Variants in ASB5 observed in about 807,000 individuals in gnomAD.
ASB5 encodes ankyrin repeat and SOCS box containing 5.
Under a neutral mutation model 42.1 loss-of-function variants are expected in ASB5, and 45 were observed. The ratio of observed to expected loss-of-function variants is 1.07; its 90% CI spans 0.84 to 1.37. ASB5 has a LOEUF of 1.37. Ranked by LOEUF, ASB5 falls within the 40% of genes most tolerant of loss-of-function variation. ASB5 has a pLI of 0.00. For synonymous variants in ASB5, 147 were observed against 150.6 expected, an observed-to-expected ratio of 0.98 and a Z score of 0.18; for missense variants, 402 against 399.8, an observed-to-expected ratio of 1.01 and a Z score of -0.05.
chr4:176,256,214 T>C (rs1167381875), intron 1 of ASB5, among the ~76,000 whole-genome samples: 1 of 152,232 alleles, frequency 6.6e-6, no homozygotes, highest in East Asian at 1.9e-4. Context: ...CCTGCCTACA[T>C]CACATAGGAG....
chr4:176,249,647 C>T (rs962776368), intron 1 of ASB5: 1 of 152,178 alleles, frequency 6.6e-6, no homozygotes, highest in African/African-American at 2.4e-5. Context: ...TAGGAAATTT[C>T]TCCTCATATG....
rs1188653597 is a variant in ASB5 at position 176,215,570 on chromosome 4, T to C, written c.*30A>G. On this transcript the variant is annotated 3_prime_UTR_variant, in exon 7 of 7. Coordinates refer to ENST00000296525, the MANE Select transcript of ASB5 (RefSeq NM_080874.4). ...AAGCAAAAGAAATAGAAATTTTGATTTTCAAGGTATTTAGAATTACTTTAC... is the reference window on the plus strand; with the variant it reads ...AAGCAAAAGAAATAGAAATTTTGATCTTCAAGGTATTTAGAATTACTTTAC... 1 of 1,593,548 alleles carries C rather than the reference T, an allele frequency of 6.3e-7. No homozygotes were observed. The highest frequency in any genetic ancestry group is 1.8e-5 in the Admixed American group (1 of 57,052).
intron 1 of ASB5, among the ~76,000 whole-genome samples, chr4:176,236,683 G>C (rs1255848539): frequency 2.6e-5 from 4 of 151,880 alleles, no homozygotes; most frequent in Non-Finnish European, 4.4e-5. Context: ...AATCTTGGGG[G>C]GCAAGAGTCA....
chr4:176,260,691 T>G (rs111425611), intron 1 of ASB5, among the ~76,000 whole-genome samples: 16,402 of 152,238 alleles, frequency 0.11, 1,140 homozygotes, highest in Non-Finnish European at 0.14. Flanking sequence ...TTTGTTTTGT[T>G]TTTTTGAGAC....
At chr4:176,229,456 T>C (rs932706656) in intron 1 of ASB5, among the ~76,000 whole-genome samples, 2 of 152,170 alleles carry the variant, frequency 1.3e-5, no homozygotes, top group Non-Finnish European at 2.9e-5. Context: ...ATCAAAATGA[T>C]TGTATTAGTC....
rs116116177 is a variant in ASB5, at chr4:176,238,953, C to T, written c.197-13612G>A. On this transcript the variant is annotated intron_variant, in intron 1 of 6. Coordinates refer to ENST00000296525, the MANE Select transcript of ASB5 (RefSeq NM_080874.4). Reference sequence around the variant, plus strand: ...AGCTTAATGACACCATAGTTTCCTTCTCTATAAAATGAGGAGCTTGGATAA... The same window carrying T: ...AGCTTAATGACACCATAGTTTCCTTTTCTATAAAATGAGGAGCTTGGATAA... 3.5e-3 allele frequency among the ~76,000 whole-genome samples: 534 copies of T among 152,294 alleles called. 5 individuals are homozygous for T. Among genetic ancestry groups the T allele is most frequent in the African/African-American group, 0.012 (508 of 41,558 alleles).
chr4:176,243,069 A>G (rs920746112), intron 1 of ASB5, among the ~76,000 whole-genome samples: 1 of 152,178 alleles, frequency 6.6e-6, no homozygotes, highest in Non-Finnish European at 1.5e-5. Context: ...ACTGTACGCA[A>G]CTAGTCCCAC....
intron 1 of ASB5, among the ~76,000 whole-genome samples, chr4:176,226,358 C>CT (rs1226629558): frequency 6.6e-6 from 1 of 152,150 alleles, no homozygotes; most frequent in African/African-American, 2.4e-5. Flanking sequence ...CAGTGGTCCC[C>CT]TGGATTCTCA....
chr4:176,243,794 A>G (rs2128424), intron 1 of ASB5, among the ~76,000 whole-genome samples: 31,662 of 152,140 alleles, frequency 0.21, 3,366 homozygotes, highest in East Asian at 0.26. Flanking sequence ...ATGAGCCACT[A>G]CGCAGGCAAT....
At chr4:176,265,745 T>C (rs1754344239) in intron 1 of ASB5, among the ~76,000 whole-genome samples, 1 of 152,156 alleles carries the variant, frequency 6.6e-6, no homozygotes, top group South Asian at 2.1e-4. Flanking sequence ...TACTGTGTAA[T>C]ATTTCAGTGT....
intron 1 of ASB5, among the ~76,000 whole-genome samples, chr4:176,265,459 A>T (rs916887751): frequency 2.6e-5 from 4 of 152,210 alleles, no homozygotes; most frequent in Admixed American, 6.6e-5. Context: ...GGATGAGAAC[A>T]ATACATTTTG....
upstream of ASB5, among the ~76,000 whole-genome samples, chr4:176,272,554 A>G (rs1754488325): frequency 1.3e-5 from 2 of 152,036 alleles, no homozygotes; most frequent in Admixed American, 1.3e-4. Flanking sequence ...TCTCACCTCC[A>G]TGCAGGTATC....
At chr4:176,225,797 C>T (rs1256698039) in intron 1 of ASB5, among the ~76,000 whole-genome samples, 1 of 152,120 alleles carries the variant, frequency 6.6e-6, no homozygotes. Flanking sequence ...ACCATGTTGG[C>T]CAGGCTGGTC....
chr4:176,252,019 T>C (rs1230999955), intron 1 of ASB5, among the ~76,000 whole-genome samples: 1 of 125,712 alleles, frequency 8.0e-6, no homozygotes, highest in Non-Finnish European at 1.5e-5. Flanking sequence ...TGAGCTATGA[T>C]CACAGCACTG....
At position 176,216,913 on chromosome 4, in the gene ASB5, C is replaced by T. The variant is rs144451873; in HGVS notation, c.767G>A (p.Gly256Glu). 1.9e-6 allele frequency: 3 copies of T among 1,614,018 alleles called. No individual in the cohort carries two copies. Among genetic ancestry groups the T allele is most frequent in the Non-Finnish European group, 2.5e-6 (3 of 1,179,940 alleles). Residue 256 changes from glycine to glutamate, a missense_variant, in exon 6 of 7, where the codon GGA becomes GAA. Coordinates refer to ENST00000296525, the MANE Select transcript of ASB5 (RefSeq NM_080874.4). ...TEIVNLLLEF[G>E]ADINAKNTEL... Reference sequence around the variant, plus strand: ...TGTATTTTTGGCATTGATATCTGCTCCAAATTCTAGCAGTAAGTTTACAAT... The same window carrying T: ...TGTATTTTTGGCATTGATATCTGCTTCAAATTCTAGCAGTAAGTTTACAAT...
chr4:176,221,578 C>T lies in ASB5; in HGVS notation c.407G>A (p.Gly136Asp), dbSNP rs1753210734. ...GCATGCGTTGAATAACGGAGTCACG[C>T]CATCTATCGTGATTGCATTTACCTA... ...GANVNAITID[G>D]VTPLFNACSQ... Residue 136 changes from glycine (G) to aspartate (D), a missense_variant, in exon 4 of 7, where the codon GGC (glycine) becomes GAC (aspartate). Physicochemically the swap from Gly to Asp is moderately conservative, Grantham distance 94. Coordinates refer to ENST00000296525, the MANE Select transcript of ASB5 (RefSeq NM_080874.4). 6.2e-7 allele frequency: 1 copy of T among 1,612,734 alleles called. No individual in the cohort carries two copies. Among genetic ancestry groups the T allele is most frequent in the African/African-American group, 1.3e-5 (1 of 74,988 alleles).
chr4:176,263,094 T>C (rs1389612531), intron 1 of ASB5, among the ~76,000 whole-genome samples: 1 of 152,116 alleles, frequency 6.6e-6, no homozygotes, highest in African/African-American at 2.4e-5. Flanking sequence ...TGATGCTGAG[T>C]GAGTTCTCAC....
chr4:176,265,255 C>G (rs2126978591), intron 1 of ASB5, among the ~76,000 whole-genome samples: 1 of 152,262 alleles, frequency 6.6e-6, no homozygotes, highest in Admixed American at 6.5e-5. Flanking sequence ...CCCAACAGTC[C>G]ATGTGCACCC....
intron 1 of ASB5, among the ~76,000 whole-genome samples, chr4:176,231,603 AT>A (rs1274872146): frequency 2.7e-5 from 4 of 146,548 alleles, no homozygotes; most frequent in Non-Finnish European, 6.0e-5. Context: ...CTGAAGGATC[AT>A]TTGAGCCCAG....
Sources: gnomAD v4.1 joint callset for allele counts (sites outside exome capture counted in the v4.1 genomes callset) on GRCh38, gnomAD v4.1.1 for gene constraint, MANE v1.5 for transcripts, NCBI Gene and HGNC (gene_info 2026-07-23, HGNC 2026-07-21) for gene names.